Variants in PTPRN2 observed in about 807,000 individuals in gnomAD.
The protein encoded by PTPRN2 is protein tyrosine phosphatase receptor type N2.
In PTPRN2, 74 loss-of-function variants were observed where a neutral mutation model predicts 118.8. The observed-to-expected ratio is 0.62, with a 90% CI of 0.52 to 0.76. The LOEUF (loss-of-function observed/expected upper bound fraction) is 0.76, where lower values mean the gene tolerates loss of function less well. Ranked by LOEUF, PTPRN2 falls within the 30% of genes least tolerant of loss-of-function variation. PTPRN2 has a pLI of 0.00. For missense variants in PTPRN2, 1,481 were observed against 1,394.4 expected (o/e 1.06, Z -0.99); for synonymous variants, 641 against 608.0 (o/e 1.05, Z -0.80).
At chr7:158,202,229 G>C (rs935576571) in intron 4 of PTPRN2, among the ~76,000 whole-genome samples, 1 of 152,042 alleles carries the variant, frequency 6.6e-6, no homozygotes, top group East Asian at 1.9e-4. Flanking sequence ...AGAAATGTTA[G>C]GAAAAAAAGA....
chr7:157,880,410 T>C (rs537283201), intron 12 of PTPRN2, among the ~76,000 whole-genome samples: 2 of 152,374 alleles, frequency 1.3e-5, no homozygotes, highest in East Asian at 3.9e-4. Flanking sequence ...ACAAGTTATA[T>C]TGCTTCAACA....
rs572340120 is a variant in PTPRN2 at position 157,808,790 on chromosome 7, T to A, written c.1788+89883A>T. Among the ~76,000 whole-genome samples, 65 of 152,336 alleles carry A rather than the reference T, an allele frequency of 4.3e-4. No homozygotes were observed. The South Asian group carries it at 0.013, about 30-fold the overall frequency. On this transcript the variant is annotated intron_variant, in intron 12 of 22. Transcript: ENST00000389418. This position sits in a 1 kb window ranked among gnomAD's most constrained non-coding sequence, Gnocchi z 5.0. ...GTGCCAAAAAGAGTATGGACCGCTGTCCTGGACAAACCCTGGGCCTGGAAT... is the reference window on the plus strand; with the variant it reads ...GTGCCAAAAAGAGTATGGACCGCTGACCTGGACAAACCCTGGGCCTGGAAT...
At chr7:158,412,046 GCCCTCCTCAGCACCAGGGCCCATCCAGCA>G (rs1814147402) in intron 2 of PTPRN2, among the ~76,000 whole-genome samples, 1 of 126,272 alleles carries the variant, frequency 7.9e-6, no homozygotes, top group Non-Finnish European at 1.6e-5. Flanking sequence ...CCCATCCAGT[GCCCTCCTCAGCACCAGGGCCCATCCAGCA>G]CCCTCCTTAG....
chr7:157,543,959 T>C (rs1271421577), intron 22 of PTPRN2, among the ~76,000 whole-genome samples: 2 of 151,214 alleles, frequency 1.3e-5, no homozygotes, highest in African/African-American at 4.9e-5. Flanking sequence ...TGGAGAGAGA[T>C]GGGAGACAGA....
At chr7:157,827,757 C>A (rs984448546) in intron 12 of PTPRN2, among the ~76,000 whole-genome samples, 2 of 146,490 alleles carry the variant, frequency 1.4e-5, no homozygotes. Context: ...ACTCACCGTG[C>A]CGGGGTGGAT....
At position 157,860,221 on chromosome 7, in the gene PTPRN2, C is replaced by T. The variant is rs577020915; in HGVS notation, c.1788+38452G>A. ...CTGTGGTGGCAGGGCCCACAGCCTG[C>T]GATCTCTGCATACCCTGGATTTCAG... On this transcript the variant is annotated intron_variant, in intron 12 of 22. Transcript: ENST00000389418. 8.8e-4 allele frequency among the ~76,000 whole-genome samples: 134 copies of T among 152,326 alleles called. 1 individual carries two copies. The highest frequency in any genetic ancestry group is 3.1e-3 in the African/African-American group (127 of 41,570).
At chr7:158,564,317 G>A (rs1221099354) in intron 1 of PTPRN2, among the ~76,000 whole-genome samples, 1 of 152,260 alleles carries the variant, frequency 6.6e-6, no homozygotes, top group Non-Finnish European at 1.5e-5. Flanking sequence ...ATGTGTGCAA[G>A]TAAGTTTGTA....
intron 7 of PTPRN2, among the ~76,000 whole-genome samples, chr7:158,137,836 G>A (rs1011644341): frequency 2.6e-5 from 4 of 152,224 alleles, no homozygotes; most frequent in African/African-American, 9.6e-5. Flanking sequence ...GACCCATGGG[G>A]CCTCCACAGG....
At chr7:158,479,478 A>C (rs536327140) in intron 2 of PTPRN2, among the ~76,000 whole-genome samples, 35 of 152,324 alleles carry the variant, frequency 2.3e-4, no homozygotes, top group Admixed American at 4.6e-4. Context: ...TAGCAATCAC[A>C]GGCTGCGTCT....
rs574421711 is a variant in PTPRN2, at chr7:157,821,949, C to T, written c.1788+76724G>A. 6.6e-4 allele frequency among the ~76,000 whole-genome samples: 100 copies of T among 152,102 alleles called. 1 individual carries two copies. The highest frequency in any genetic ancestry group is 2.2e-3 in the African/African-American group (92 of 41,464). On this transcript the variant is annotated intron_variant, in intron 12 of 22. Coordinates refer to ENST00000389418, the MANE Select transcript of PTPRN2 (RefSeq NM_002847.5). ...ATATACACTATCCATCATCCATACA[C>T]CCACTCATCCACCCATCCATCCATC...
intron 2 of PTPRN2, among the ~76,000 whole-genome samples, chr7:158,404,503 G>C (rs1032393868): frequency 6.6e-6 from 1 of 152,122 alleles, no homozygotes; most frequent in African/African-American, 2.4e-5. Flanking sequence ...CCGTGAGGAC[G>C]GGGGCTCCCC....
At chr7:158,473,775 A>G (rs997972801) in intron 2 of PTPRN2, among the ~76,000 whole-genome samples, 1 of 14,410 alleles carries the variant, frequency 6.9e-5, no homozygotes, top group African/African-American at 1.9e-4. Flanking sequence ...ATTGGGGGGA[A>G]AAAAACATTT....
chr7:157,539,988 T>A lies in PTPRN2; in HGVS notation c.*726A>T, dbSNP rs1431244841. On this transcript the variant is annotated 3_prime_UTR_variant, in exon 23 of 23. Coordinates refer to ENST00000389418, the MANE Select transcript of PTPRN2 (RefSeq NM_002847.5). ...TAACATTAAAAACACATCTCAATGT[T>A]GGGGTGCATCTGTAACTTTGCAAAG... 2 of 152,222 alleles carry A rather than the reference T, an allele frequency of 1.3e-5. No homozygotes were observed. Among genetic ancestry groups the A allele is most frequent in the African/African-American group, 2.4e-5 (1 of 41,432 alleles). The allele number at this position is 152,222 out of a possible 1,614,324, so 9.4% of individuals were successfully genotyped here.
At chr7:158,227,668 G>A (rs1469179118) in intron 3 of PTPRN2, among the ~76,000 whole-genome samples, 12 of 152,242 alleles carry the variant, frequency 7.9e-5, no homozygotes, top group African/African-American at 2.9e-4. Context: ...TACGGAAGAT[G>A]AATGTGCAGC....
Position 158,532,900 on chromosome 7 carries a change from G to A in PTPRN2, c.113-43115C>T, listed in dbSNP as rs563198461. On this transcript the variant is annotated intron_variant, in intron 1 of 22. Transcript: ENST00000389418. ...CATCTTGATGGCTCAGGGACGGCCA[G>A]GCTCCACCACACCTGCTCCCTCCTG... 6 of 491,738 alleles carry A rather than the reference G, an allele frequency of 1.2e-5. No individual in the cohort carries two copies. The East Asian group carries it at 3.5e-4, about 28-fold the overall frequency. 30.5% of individuals were successfully genotyped at this position (491,738 alleles called of 1,614,324 possible).
At chr7:158,170,408 T>C (rs961798447) in intron 5 of PTPRN2, among the ~76,000 whole-genome samples, 3 of 152,212 alleles carry the variant, frequency 2.0e-5, no homozygotes, top group Admixed American at 6.5e-5. Flanking sequence ...TTAATTAAAG[T>C]TGAGTTGGAA....
intron 2 of PTPRN2, among the ~76,000 whole-genome samples, chr7:158,330,685 G>C (rs1487643844): frequency 1.8e-5 from 2 of 113,652 alleles, no homozygotes; most frequent in Non-Finnish European, 4.0e-5. Context: ...GAGGCACAAA[G>C]AGGTCACTCA....
Position 157,964,087 on chromosome 7 carries a change from G to A in PTPRN2, c.1724-65350C>T, listed in dbSNP as rs1244353990. 6.6e-6 allele frequency among the ~76,000 whole-genome samples: 1 copy of A among 152,066 alleles called. No individual in the cohort carries two copies. The highest frequency in any genetic ancestry group is 2.4e-5 in the African/African-American group (1 of 41,378). On this transcript the variant is annotated intron_variant, in intron 11 of 22. Transcript: ENST00000389418. The surrounding 1 kb of genome is among the most constrained non-coding windows in gnomAD (Gnocchi z 9.0). ...AGATCTTAGTCTTCATCTGTAAGAG[G>A]CTGTTGAGGGCACGACCACCTCGCA... is the stretch of plus-strand genomic sequence containing the variant.
chr7:158,341,398 G>T (rs183494691), intron 2 of PTPRN2, among the ~76,000 whole-genome samples: 1 of 142,190 alleles, frequency 7.0e-6, no homozygotes, highest in African/African-American at 2.7e-5. Context: ...CTCACCATAA[G>T]AGCTGTCGCC....
Sources: allele counts gnomAD v4.1 joint callset (sites outside exome capture counted in the v4.1 genomes callset), GRCh38; gene constraint gnomAD v4.1.1; non-coding constraint Gnocchi (gnomAD v3.1); transcripts MANE v1.5; gene names NCBI Gene and HGNC (gene_info 2026-07-23, HGNC 2026-07-21).